The following DOCK3 variants were observed in gnomAD, a reference collection of about 807,000 sequenced individuals.
DOCK3 encodes dedicator of cytokinesis 3.
DOCK3 carries 60 observed loss-of-function variants against 265.6 expected under a neutral mutation model. The observed-to-expected ratio is 0.23, with a 90% CI of 0.18 to 0.28. The LOEUF (loss-of-function observed/expected upper bound fraction) is 0.28. DOCK3 is among the 10% of genes least tolerant of loss of function. The pLI is 1.00. For synonymous variants in DOCK3, 881 were observed against 938.0 expected (o/e 0.94, Z 1.11); for missense variants, 1,981 against 2,594.3 (o/e 0.76, Z 5.14).
intron 2 of DOCK3, among the ~76,000 whole-genome samples, chr3:50,800,448 G>A (rs1233230865): frequency 6.6e-6 from 1 of 151,994 alleles, no homozygotes; most frequent in Admixed American, 6.6e-5. Context: ...GAATTTATCT[G>A]TTCTAGGTTT....
intron 2 of DOCK3, among the ~76,000 whole-genome samples, chr3:50,833,069 A>G (rs1410215910): frequency 6.6e-6 from 1 of 152,186 alleles, no homozygotes; most frequent in East Asian, 1.9e-4. Flanking sequence ...TGAACTGGGC[A>G]GTTGTTGGAA....
chr3:50,706,578 A>G (rs908319679), intron 1 of DOCK3, among the ~76,000 whole-genome samples: 10 of 152,090 alleles, frequency 6.6e-5, no homozygotes, highest in Non-Finnish European at 1.0e-4. Context: ...AGAAAACCTT[A>G]TGGGATTGAA....
At chr3:50,960,289 A>G (rs1261444879) in intron 5 of DOCK3, among the ~76,000 whole-genome samples, 5 of 152,192 alleles carry the variant, frequency 3.3e-5, no homozygotes, top group Non-Finnish European at 7.4e-5. Context: ...GTTTCCCAAA[A>G]TGGTTGTACC....
chr3:51,128,574 G>A (rs73087278), intron 9 of DOCK3, among the ~76,000 whole-genome samples: 7,898 of 152,274 alleles, frequency 0.052, 279 homozygotes, highest in Middle Eastern at 0.085. Flanking sequence ...GGTAGTCTTG[G>A]CAGAATCATT....
chr3:50,898,393 C>T (rs1048468930), intron 4 of DOCK3, among the ~76,000 whole-genome samples: 11 of 152,180 alleles, frequency 7.2e-5, no homozygotes, highest in Non-Finnish European at 1.2e-4. Flanking sequence ...GTCTGGCTAG[C>T]GGTCTACCTA....
chr3:50,858,256 C>T (rs1444666021), intron 3 of DOCK3, among the ~76,000 whole-genome samples: 2 of 151,970 alleles, frequency 1.3e-5, no homozygotes, highest in Non-Finnish European at 2.9e-5. Context: ...GGACGGGGAA[C>T]ATCACACTCT....
rs187381952 is a variant in DOCK3, at chr3:51,250,907, A to T, written c.2184+4100A>T. The stretch of plus-strand genomic sequence containing the variant: ...TATTATACTTAAAGTTCTAGGATAC[A>T]TGTGCACAACGTGCAGGTTTGTTAC... On this transcript the variant is annotated intron_variant, in intron 22 of 52. Transcript: ENST00000266037. Among the ~76,000 whole-genome samples, 8 of 152,340 alleles carry T rather than the reference A, an allele frequency of 5.3e-5. No homozygotes were observed. In the East Asian group the frequency reaches 1.5e-3, roughly 29 times the overall value.
At chr3:51,170,859 C>T (rs544431254) in intron 12 of DOCK3, among the ~76,000 whole-genome samples, 1 of 150,108 alleles carries the variant, frequency 6.7e-6, no homozygotes, top group South Asian at 2.1e-4. Flanking sequence ...AGGAGAATGG[C>T]TTGAACCCAG....
At chr3:51,243,748 G>A (rs1031787839) in intron 21 of DOCK3, among the ~76,000 whole-genome samples, 1 of 152,160 alleles carries the variant, frequency 6.6e-6, no homozygotes, top group Non-Finnish European at 1.5e-5. Flanking sequence ...GTTGTTGCCT[G>A]TGCTTTTGGT....
At chr3:50,794,713 A>G (rs894651754) in intron 2 of DOCK3, among the ~76,000 whole-genome samples, 1 of 152,254 alleles carries the variant, frequency 6.6e-6, no homozygotes, top group Non-Finnish European at 1.5e-5. Context: ...TAATTGGGGC[A>G]TTTATCCTGT....
intron 2 of DOCK3, among the ~76,000 whole-genome samples, chr3:50,825,288 A>G (rs2044692860): frequency 1.3e-5 from 2 of 152,214 alleles, no homozygotes; most frequent in Admixed American, 1.3e-4. Context: ...TTGGCAAGGC[A>G]TTGAAAGAGT....
chr3:51,124,967 T>TAA (rs35040855), intron 9 of DOCK3, among the ~76,000 whole-genome samples: 4 of 126,640 alleles, frequency 3.2e-5, no homozygotes, highest in Admixed American at 8.1e-5. Flanking sequence ...CTGTCTCTAC[T>TAA]AAAAAAAAAA....
intron 4 of DOCK3, chr3:50,901,782 T>A (rs1312152986): frequency 4.7e-6 from 2 of 427,220 alleles, no homozygotes; most frequent in African/African-American, 4.0e-5. Flanking sequence ...CTGCTTCAGC[T>A]CTCCCTCTGT....
At chr3:51,249,055 G>C (rs1207708077) in intron 22 of DOCK3, among the ~76,000 whole-genome samples, 1 of 151,926 alleles carries the variant, frequency 6.6e-6, no homozygotes, top group South Asian at 2.1e-4. Flanking sequence ...CGTCTGGGAA[G>C]TGAGGAGCGT....
chr3:50,794,239 C>G (rs551785920), intron 2 of DOCK3, among the ~76,000 whole-genome samples: 30 of 152,276 alleles, frequency 2.0e-4, no homozygotes, highest in Admixed American at 1.8e-3. Flanking sequence ...CTGTAAATTT[C>G]TATCAGATCC....
chr3:50,828,276 C>G (rs2044895532), intron 2 of DOCK3, among the ~76,000 whole-genome samples: 1 of 152,028 alleles, frequency 6.6e-6, no homozygotes, highest in Non-Finnish European at 1.5e-5. Context: ...GTTCTTTTAC[C>G]ACTCCCCAGA....
At chr3:51,044,066 C>T (rs1316559369) in intron 5 of DOCK3, among the ~76,000 whole-genome samples, 1 of 151,982 alleles carries the variant, frequency 6.6e-6, no homozygotes, top group East Asian at 1.9e-4. Context: ...TCCAGTAATC[C>T]CAATATTGTG....
At chr3:50,953,978 C>T (rs1008266479) in intron 5 of DOCK3, among the ~76,000 whole-genome samples, 3 of 152,056 alleles carry the variant, frequency 2.0e-5, no homozygotes, top group Non-Finnish European at 2.9e-5. Context: ...GTGTATAGTT[C>T]AGTGGTATTA....
chr3:51,221,047 G>A (rs1176161939), intron 14 of DOCK3, among the ~76,000 whole-genome samples: 1 of 152,016 alleles, frequency 6.6e-6, no homozygotes, highest in African/African-American at 2.4e-5. Context: ...ATCATGAACT[G>A]TTTCTCCAGA....
Sources: allele counts gnomAD v4.1 joint callset (sites outside exome capture counted in the v4.1 genomes callset), GRCh38; gene constraint gnomAD v4.1.1; transcripts MANE v1.5; gene names NCBI Gene and HGNC (gene_info 2026-07-23, HGNC 2026-07-21).